AGMO: variants seen among roughly 807,000 people sequenced by gnomAD.
AGMO encodes alkylglycerol monooxygenase.
In AGMO, 75 loss-of-function variants were observed where a neutral mutation model predicts 60.2. The ratio of observed to expected loss-of-function variants is 1.25; its 90% confidence interval spans 1.03 to 1.51. AGMO has a LOEUF of 1.51. Among genes scored for constraint, AGMO ranks in the 40% most tolerant of loss-of-function variants. AGMO has a pLI of 0.00. For missense variants in AGMO, 763 were observed against 525.5 expected (o/e 1.45, Z -4.42); for synonymous variants, 261 against 177.1 (o/e 1.47, Z -3.76).
intron 12 of AGMO, among the ~76,000 whole-genome samples, chr7:15,360,799 G>C (rs1782721255): frequency 6.6e-6 from 1 of 152,154 alleles, no homozygotes; most frequent in African/African-American, 2.4e-5. Flanking sequence ...TAACTGCCAG[G>C]ATATGGTCAA....
At chr7:15,444,042 T>C (rs1343432898) in intron 3 of AGMO, among the ~76,000 whole-genome samples, 1 of 152,240 alleles carries the variant, frequency 6.6e-6, no homozygotes, top group Non-Finnish European at 1.5e-5. Context: ...ACTAATACTC[T>C]ACTATTTTGT....
At chr7:15,494,838 C>A (rs890666677) in intron 3 of AGMO, among the ~76,000 whole-genome samples, 1 of 152,184 alleles carries the variant, frequency 6.6e-6, no homozygotes. Context: ...CAGGCAAAGC[C>A]GCTTCTCTCT....
intron 3 of AGMO, among the ~76,000 whole-genome samples, chr7:15,433,351 C>A (rs1320720130): frequency 6.6e-6 from 1 of 152,066 alleles, no homozygotes; most frequent in Non-Finnish European, 1.5e-5. Context: ...GTAACACAAG[C>A]CTCATTCAAT....
chr7:15,167,097 C>A, the AGMO span, among the ~76,000 whole-genome samples: 1 of 151,976 alleles, frequency 6.6e-6, no homozygotes, highest in African/African-American at 2.4e-5. Context: ...ATCTTAGATT[C>A]TAAATAACAC....
chr7:15,556,906 G>GC (rs1785158751), intron 2 of AGMO, among the ~76,000 whole-genome samples: 1 of 151,994 alleles, frequency 6.6e-6, no homozygotes, highest in Non-Finnish European at 1.5e-5. Flanking sequence ...TTTCAGAAGA[G>GC]CAAAACAGAT....
intron 12 of AGMO, among the ~76,000 whole-genome samples, chr7:15,321,221 C>T (rs1043538150): frequency 1.3e-5 from 2 of 152,084 alleles, no homozygotes; most frequent in Non-Finnish European, 2.9e-5. Flanking sequence ...AACATTCATA[C>T]ACTTTTCTGC....
intron 12 of AGMO, among the ~76,000 whole-genome samples, chr7:15,297,865 C>A (rs1025648359): frequency 6.6e-6 from 1 of 152,058 alleles, no homozygotes; most frequent in African/African-American, 2.4e-5. Context: ...AGATATTGAA[C>A]TAACATAAAA....
At chr7:15,394,350 T>C (rs563848789) in intron 5 of AGMO, among the ~76,000 whole-genome samples, 171 bp from the exon 6 acceptor site, 44 of 152,144 alleles carry the variant, frequency 2.9e-4, no homozygotes, top group African/African-American at 7.0e-4. Flanking sequence ...ATAAAGACAA[T>C]AGTAATCTCA....
chr7:15,454,687 C>CT (rs747865675), intron 3 of AGMO, among the ~76,000 whole-genome samples: 10 of 151,952 alleles, frequency 6.6e-5, no homozygotes, highest in Non-Finnish European at 1.5e-4. Context: ...ATAATGTTCT[C>CT]TTTTTAGTGT....
the AGMO span, among the ~76,000 whole-genome samples, chr7:15,164,545 C>T: frequency 6.6e-6 from 1 of 151,674 alleles, no homozygotes; most frequent in Non-Finnish European, 1.5e-5. Context: ...ACAAAAACAC[C>T]CCATTAAAAG....
rs117002207 is a variant in AGMO at position 15,215,763 on chromosome 7, C to G, written c.1264-14404G>C. Among the ~76,000 whole-genome samples the G allele has an allele frequency of 1.4e-4, 22 of 152,138 alleles. No homozygotes were observed. The East Asian group carries it at 3.9e-3, about 27-fold the overall frequency. ...TGTAAATTAACCCCACAACATGGAA[C>G]ACATTAACTTGAGGGTTTTAGGAAT... On this transcript the variant is annotated intron_variant, in intron 12 of 12. Transcript: ENST00000342526.
At chr7:15,125,058 C>G in the AGMO span, among the ~76,000 whole-genome samples, 12 of 135,970 alleles carry the variant, frequency 8.8e-5, no homozygotes, top group African/African-American at 2.7e-4. Context: ...GGGATGCCTT[C>G]AGAAAAGAAA....
chr7:15,366,681 A>G (rs1012209921), intron 10 of AGMO, among the ~76,000 whole-genome samples: 1 of 152,060 alleles, frequency 6.6e-6, no homozygotes, highest in Non-Finnish European at 1.5e-5. Flanking sequence ...ACATATATAT[A>G]AAGGAGATTA....
chr7:15,527,048 G>A (rs1424186383), intron 3 of AGMO, among the ~76,000 whole-genome samples: 1 of 152,008 alleles, frequency 6.6e-6, no homozygotes, highest in African/African-American at 2.4e-5. Context: ...TGTTCCCTGA[G>A]ACACAGCAAT....
At chr7:15,380,391 G>A (rs1432925738) in intron 10 of AGMO, among the ~76,000 whole-genome samples, 5 of 151,990 alleles carry the variant, frequency 3.3e-5, no homozygotes, top group African/African-American at 4.8e-5. Flanking sequence ...GCAAAATTAG[G>A]AATGAACTCC....
chr7:15,489,736 T>A (rs980075283), intron 3 of AGMO, among the ~76,000 whole-genome samples: 8 of 152,172 alleles, frequency 5.3e-5, no homozygotes, highest in Admixed American at 2.6e-4. Flanking sequence ...TAGCACAGAC[T>A]CCTGTGGTTT....
At chr7:15,313,554 G>A (rs1780828406) in intron 12 of AGMO, among the ~76,000 whole-genome samples, 1 of 152,054 alleles carries the variant, frequency 6.6e-6, no homozygotes, top group Non-Finnish European at 1.5e-5. Flanking sequence ...TCAGGTTCTG[G>A]CAAACACTAA....
intron 3 of AGMO, among the ~76,000 whole-genome samples, chr7:15,442,200 A>G (rs774133630): frequency 1.3e-5 from 2 of 152,206 alleles, no homozygotes. Flanking sequence ...TCTTTGAAGA[A>G]GCAATCTGCC....
At chr7:15,309,421 A>G (rs1316501952) in intron 12 of AGMO, among the ~76,000 whole-genome samples, 2 of 152,114 alleles carry the variant, frequency 1.3e-5, no homozygotes, top group Non-Finnish European at 2.9e-5. Flanking sequence ...GAGTTATAAA[A>G]CAAACTTTCT....
Sources: gnomAD v4.1 joint callset for allele counts (sites outside exome capture counted in the v4.1 genomes callset) on GRCh38, gnomAD v4.1.1 for gene constraint, MANE v1.5 for transcripts, NCBI Gene and HGNC (gene_info 2026-07-23, HGNC 2026-07-21) for gene names.